The following RARB variants were observed in gnomAD, a reference collection of about 807,000 sequenced individuals.
RARB encodes HBV-activated protein.
Under a neutral mutation model 51.9 loss-of-function variants are expected in RARB, and 17 were observed. That is an observed-to-expected ratio of 0.33 (90% CI 0.22 to 0.49). The LOEUF is 0.49. Ranked by LOEUF, RARB falls within the 20% of genes least tolerant of loss-of-function variation. The pLI, the probability that RARB is intolerant of heterozygous loss-of-function variation, is 0.99. For synonymous variants in RARB, 215 were observed against 195.4 expected (o/e 1.10, Z -0.84); for missense variants, 369 against 550.8 (o/e 0.67, Z 3.30).
intron 5 of RARB, among the ~76,000 whole-genome samples, chr3:25,206,535 A>T (rs1701551616): frequency 6.6e-6 from 1 of 152,136 alleles, no homozygotes; most frequent in Non-Finnish European, 1.5e-5. Flanking sequence ...CTTTCGAGAA[A>T]ATCTTTTGAG....
chr3:25,365,285 A>C (rs77674036), intron 5 of RARB, among the ~76,000 whole-genome samples: 12,070 of 130,210 alleles, frequency 0.093, 690 homozygotes, highest in South Asian at 0.21. Context: ...ATGCCCAGCT[A>C]ATTTTTTGTG....
rs1477136371 is a variant in RARB at position 25,461,287 on chromosome 3, C to T, written c.252C>T (p.Cys84=). The T allele has an allele frequency of 6.2e-7, 1 of 1,614,012 alleles. No individual in the cohort carries two copies. The highest frequency in any genetic ancestry group is 1.1e-5 in the South Asian group (1 of 91,060). ...GAGTGTACAAACCCTGCTTCGTCTG[C>T]CAGGACAAATCATCAGGGTACCACT... The part of the protein sequence containing the change: ...PPRVYKPCFV[C]QDKSSGYHYG... The change falls in exon 2 of 8, where the codon TGC becomes TGT. Residue 84 remains cysteine, a synonymous_variant. Transcript: ENST00000330688.
At chr3:25,391,211 G>A (rs916120887) in intron 5 of RARB, among the ~76,000 whole-genome samples, 15 of 152,084 alleles carry the variant, frequency 9.9e-5, no homozygotes, top group African/African-American at 3.6e-4. Context: ...CCAGGTTTCT[G>A]TAAATGCCAT....
intron 5 of RARB, among the ~76,000 whole-genome samples, chr3:25,218,240 T>C (rs756918683): frequency 6.6e-6 from 1 of 152,028 alleles, no homozygotes; most frequent in Non-Finnish European, 1.5e-5. Flanking sequence ...CTAGGGAGGA[T>C]GGTTTTTCCT....
chr3:25,030,654 C>T (rs544088488), intron 2 of RARB, among the ~76,000 whole-genome samples: 1 of 152,270 alleles, frequency 6.6e-6, no homozygotes, highest in African/African-American at 2.4e-5. Flanking sequence ...TAAAAGAATA[C>T]TCAGTTTTGT....
chr3:24,977,901 A>G (rs1436254682), intron 2 of RARB, among the ~76,000 whole-genome samples: 1 of 152,170 alleles, frequency 6.6e-6, no homozygotes, highest in Non-Finnish European at 1.5e-5. Flanking sequence ...TGTCATAAAT[A>G]GCTCTTATTA....
intron 2 of RARB, among the ~76,000 whole-genome samples, chr3:25,044,856 T>G (rs1698182102): frequency 6.6e-6 from 1 of 152,174 alleles, no homozygotes; most frequent in African/African-American, 2.4e-5. Flanking sequence ...TTTGAACCAT[T>G]CTTTCCCCCA....
intron 4 of RARB, among the ~76,000 whole-genome samples, chr3:25,136,971 G>A (rs1045373334): frequency 2.6e-5 from 4 of 151,960 alleles, no homozygotes; most frequent in African/African-American, 9.7e-5. Flanking sequence ...CATGATTTGA[G>A]TGCACCTAAA....
At chr3:25,152,773 T>TG (rs1269413701) in intron 4 of RARB, among the ~76,000 whole-genome samples, 2 of 152,210 alleles carry the variant, frequency 1.3e-5, no homozygotes, top group Admixed American at 1.3e-4. Flanking sequence ...TGACATTTTA[T>TG]GGGAGTGTAT....
intron 2 of RARB, among the ~76,000 whole-genome samples, chr3:25,051,258 G>A (rs1221841948): frequency 2.0e-5 from 3 of 152,124 alleles, no homozygotes; most frequent in African/African-American, 7.2e-5. Context: ...ACATGTATGG[G>A]GGAGGAATAG....
chr3:25,298,812 G>A (rs755075928), intron 5 of RARB, among the ~76,000 whole-genome samples: 2 of 152,134 alleles, frequency 1.3e-5, no homozygotes, highest in African/African-American at 2.4e-5. Flanking sequence ...TGGACATGGA[G>A]GCTTAACTCT....
At chr3:24,997,651 C>A (rs369062830) in intron 2 of RARB, among the ~76,000 whole-genome samples, 1 of 152,074 alleles carries the variant, frequency 6.6e-6, no homozygotes, top group African/African-American at 2.4e-5. Flanking sequence ...TCCTAAAGTG[C>A]TAGTATTACA....
At chr3:24,919,678 T>C (rs995102713) in intron 2 of RARB, among the ~76,000 whole-genome samples, 1 of 152,238 alleles carries the variant, frequency 6.6e-6, no homozygotes, top group African/African-American at 2.4e-5. Flanking sequence ...AGGTTTCTTT[T>C]TGAACAGTTG....
chr3:25,547,311 G>T (rs1181477847), intron 3 of RARB, among the ~76,000 whole-genome samples: 6 of 152,140 alleles, frequency 3.9e-5, no homozygotes, highest in Admixed American at 3.9e-4. Context: ...CTGGTGAAAG[G>T]CCTGTCTGTA....
intron 2 of RARB, among the ~76,000 whole-genome samples, chr3:24,867,824 C>T (rs983441611): frequency 6.6e-6 from 1 of 151,986 alleles, no homozygotes; most frequent in African/African-American, 2.4e-5. Context: ...TAAGAAAAGC[C>T]CACAAAAACA....
At chr3:24,958,289 T>TA (rs1696066993) in intron 2 of RARB, among the ~76,000 whole-genome samples, 21 of 134,002 alleles carry the variant, frequency 1.6e-4, no homozygotes, top group South Asian at 2.4e-4. Flanking sequence ...TTTTTTTTTT[T>TA]AGCTGTCATG....
intron 1 of RARB, among the ~76,000 whole-genome samples, chr3:25,448,669 G>A (rs1282129878): frequency 6.6e-6 from 1 of 152,136 alleles, no homozygotes; most frequent in Admixed American, 6.5e-5. Context: ...GTTTCTTCAT[G>A]TTGGTCAGGC....
At chr3:25,336,411 C>T (rs1174014386) in intron 5 of RARB, among the ~76,000 whole-genome samples, 1 of 152,162 alleles carries the variant, frequency 6.6e-6, no homozygotes, top group Admixed American at 6.6e-5. Flanking sequence ...GAGTTCAAGG[C>T]ACTTGTTAAT....
intron 5 of RARB, among the ~76,000 whole-genome samples, chr3:25,311,170 G>A (rs1346312413): frequency 6.6e-6 from 1 of 152,200 alleles, no homozygotes. Flanking sequence ...TTCTAAGTAG[G>A]TGGCAGGCAT....
Sources: gnomAD v4.1 joint callset for allele counts (sites outside exome capture counted in the v4.1 genomes callset) on GRCh38, gnomAD v4.1.1 for gene constraint, MANE v1.5 for transcripts, NCBI Gene and HGNC (gene_info 2026-07-23, HGNC 2026-07-21) for gene names.